SMARCA2: variants seen among roughly 807,000 people sequenced by gnomAD.
The protein encoded by SMARCA2 is SWI/SNF related BAF chromatin remodeling complex subunit ATPase 2, also known as SWI/SNF-related matrix-associated actin-dependent regulator of chromatin subfamily A member 2.
In SMARCA2, 61 loss-of-function variants were observed where a neutral mutation model predicts 199.8. The ratio of observed to expected loss-of-function variants is 0.31; its 90% CI spans 0.25 to 0.38. SMARCA2 has a LOEUF of 0.38. Among genes scored for constraint, SMARCA2 ranks in the 10% least tolerant of loss-of-function variants. The pLI, the probability that SMARCA2 is intolerant of heterozygous loss-of-function variation, is 1.00. For synonymous variants in SMARCA2, 935 were observed against 732.0 expected (o/e 1.28, Z -4.48); for missense variants, 1,344 against 2,012.2 (o/e 0.67, Z 6.35).
chr9:2,017,903 G>C lies in SMARCA2; in HGVS notation c.-37+2499G>C, dbSNP rs1818432102. On this transcript the variant is annotated intron_variant, in intron 1 of 33. Transcript: ENST00000349721. This position sits in a 1 kb window ranked among gnomAD's most constrained non-coding sequence, Gnocchi z 8.8. ...CCGGCTCGCCTTTCCTGCAAAGTCA[G>C]GCAGGCGGGGGAAATGGGCTCCTTG... 6.6e-6 allele frequency: 1 copy of C among 152,338 alleles called. No individual in the cohort carries two copies. The highest frequency in any genetic ancestry group is 2.4e-5 in the African/African-American group (1 of 41,474). The allele number at this position is 152,338 out of a possible 1,614,324, so 9.4% of individuals were successfully genotyped here.
In SMARCA2 at chr9:2,110,557, C is replaced by A; in HGVS notation, c.3456+140C>A. 1 of 617,784 alleles carries A rather than the reference C, an allele frequency of 1.6e-6. No homozygotes were observed. 38.3% of individuals were successfully genotyped at this position (617,784 alleles called of 1,614,324 possible). A position where few individuals can be genotyped will look rare whatever the true frequency, so the allele number is the denominator to read the frequency against. On this transcript the variant is annotated intron_variant, in intron 24 of 33. Transcript: ENST00000349721. The surrounding 1 kb of genome is among the most constrained non-coding windows in gnomAD (Gnocchi z 4.8). Reference sequence around the variant, plus strand: ...GCTTTCTTGGAGCCAATTCTTCTGGCTGTTTTCTTATCTCCCTTAGAGCAT... The same window carrying A: ...GCTTTCTTGGAGCCAATTCTTCTGGATGTTTTCTTATCTCCCTTAGAGCAT...
At chr9:2,114,852 G>T (rs1320921569) in intron 24 of SMARCA2, among the ~76,000 whole-genome samples, 1 of 152,100 alleles carries the variant, frequency 6.6e-6, no homozygotes, top group Non-Finnish European at 1.5e-5. Flanking sequence ...GTTGGTGTTT[G>T]TCCTCCTACC....
chr9:2,175,739 T>G (rs906770183), intron 29 of SMARCA2, among the ~76,000 whole-genome samples: 2 of 152,230 alleles, frequency 1.3e-5, no homozygotes, highest in Non-Finnish European at 2.9e-5. Context: ...TTTTGGTGAA[T>G]AAGAGTAAAT....
At chr9:2,032,881 G>T (rs1274447516) in intron 2 of SMARCA2, 71 bp from the exon 3 acceptor site, 1 of 1,409,966 alleles carries the variant, frequency 7.1e-7, no homozygotes, top group African/African-American at 1.4e-5. Flanking sequence ...CTTAGGAAGG[G>T]GTCTGAAAAC....
chr9:2,034,199 G>A (rs539662235), intron 3 of SMARCA2, among the ~76,000 whole-genome samples: 5 of 137,200 alleles, frequency 3.6e-5, no homozygotes, highest in East Asian at 2.2e-4. Context: ...AGCCGAGATC[G>A]CACCATTGCT....
chr9:2,050,519 A>G (rs906089957), intron 5 of SMARCA2, among the ~76,000 whole-genome samples: 11 of 152,160 alleles, frequency 7.2e-5, no homozygotes, highest in Non-Finnish European at 1.3e-4. Flanking sequence ...TGGGAAGAAC[A>G]TGTCTGAATT....
intron 27 of SMARCA2, among the ~76,000 whole-genome samples, chr9:2,132,016 A>G (rs1823984409): frequency 1.3e-5 from 2 of 152,184 alleles, no homozygotes; most frequent in African/African-American, 2.4e-5. Context: ...GATACATCTC[A>G]AGAGAATTTA....
At chr9:2,047,074 C>T (rs1420851713) in intron 4 of SMARCA2, among the ~76,000 whole-genome samples, 155 bp from the exon 5 acceptor site, 2 of 146,164 alleles carry the variant, frequency 1.4e-5, no homozygotes, top group East Asian at 2.0e-4. Flanking sequence ...CCTCTTCCTT[C>T]TTGCCCTCCT....
At chr9:2,127,431 G>T (rs1229832535) in intron 27 of SMARCA2, among the ~76,000 whole-genome samples, 4 of 152,134 alleles carry the variant, frequency 2.6e-5, no homozygotes, top group African/African-American at 4.8e-5. Flanking sequence ...ATAAACAGAA[G>T]TTGATTTCTC....
intron 4 of SMARCA2, chr9:2,041,594 G>T (rs1368479252): frequency 5.1e-6 from 2 of 392,890 alleles, no homozygotes; most frequent in Non-Finnish European, 9.0e-6. Flanking sequence ...ATTTTGAGGG[G>T]ACCATAAACT....
chr9:2,029,349 A>C (rs1380907854), intron 2 of SMARCA2, 102 bp downstream of exon 2: 15 of 1,474,738 alleles, frequency 1.0e-5, no homozygotes, highest in Admixed American at 9.4e-5. Context: ...CAAGAAAATC[A>C]TGCAAGATCT....
chr9:2,046,847 A>G (rs1819869736), intron 4 of SMARCA2, among the ~76,000 whole-genome samples: 1 of 152,146 alleles, frequency 6.6e-6, no homozygotes, highest in Non-Finnish European at 1.5e-5. Flanking sequence ...AAAGAAAGAA[A>G]CCCATTGCAG....
In SMARCA2 at chr9:2,104,823, G is replaced by A. The variant is rs915913839; in HGVS notation, c.3292+654G>A. Among the ~76,000 whole-genome samples, 8 of 152,088 alleles carry A rather than the reference G, an allele frequency of 5.3e-5. No homozygotes were observed. Among genetic ancestry groups the A allele is most frequent in the Admixed American group, 1.3e-4 (2 of 15,250 alleles). On this transcript the variant is annotated intron_variant, in intron 23 of 33. Coordinates refer to ENST00000349721, the MANE Select transcript of SMARCA2 (RefSeq NM_003070.5). This position sits in a 1 kb window ranked among gnomAD's most constrained non-coding sequence, Gnocchi z 4.0. ...AATCCCTAAATTATTTTACGATTTG[G>A]ATATCAGCCATAATATATTAGAGGT...
chr9:2,167,641 C>A (rs902767551), intron 28 of SMARCA2, among the ~76,000 whole-genome samples: 1 of 152,238 alleles, frequency 6.6e-6, no homozygotes, highest in Admixed American at 6.5e-5. Flanking sequence ...ATGTGTTCTT[C>A]TTGCCCCTAA....
chr9:2,168,776 A>G (rs1340867611), intron 28 of SMARCA2, among the ~76,000 whole-genome samples: 1 of 152,110 alleles, frequency 6.6e-6, no homozygotes, highest in Non-Finnish European at 1.5e-5. Context: ...TTTTTCCCCA[A>G]GCCAATCAGA....
chr9:2,059,729 A>G (rs1820503151), intron 8 of SMARCA2, among the ~76,000 whole-genome samples: 2 of 152,196 alleles, frequency 1.3e-5, no homozygotes, highest in South Asian at 4.1e-4. Flanking sequence ...GCTCATCCAC[A>G]GGGCAGACGG....
intron 27 of SMARCA2, chr9:2,160,717 CA>C: frequency 1.7e-6 from 1 of 576,232 alleles, no homozygotes; most frequent in African/African-American, 1.8e-5. Context: ...GAACAAATAA[CA>C]ACATTAGTTA....
intron 16 of SMARCA2, 24 bp from the exon 17 acceptor site, chr9:2,084,062 A>G (rs1371218276): frequency 1.6e-6 from 2 of 1,249,810 alleles, no homozygotes; most frequent in Non-Finnish European, 2.4e-6. Context: ...AGGATCATGC[A>G]TGTATTTTTT....
chr9:2,187,513 A>G (rs1395005751), intron 32 of SMARCA2, among the ~76,000 whole-genome samples: 1 of 152,134 alleles, frequency 6.6e-6, no homozygotes, highest in Non-Finnish European at 1.5e-5. Context: ...CTCTACAAAA[A>G]TGTTTGTAAA....
Sources: gnomAD v4.1 joint callset for allele counts (sites outside exome capture counted in the v4.1 genomes callset) on GRCh38, gnomAD v4.1.1 for gene constraint, Gnocchi (gnomAD v3.1) non-coding constraint, MANE v1.5 for transcripts, NCBI Gene and HGNC (gene_info 2026-07-23, HGNC 2026-07-21) for gene names.